Variants in NALF1 observed in about 807,000 individuals in gnomAD.
The protein encoded by NALF1 is family with sequence similarity 155 member A.
Under a neutral mutation model 48.4 loss-of-function variants are expected in NALF1, and 3 were observed. The observed-to-expected ratio is 0.06, with a 90% confidence interval of 0.03 to 0.16. The LOEUF is 0.16. Among genes scored for constraint, NALF1 ranks in the 10% least tolerant of loss-of-function variants. NALF1 has a pLI of 1.00. For missense variants in NALF1, 526 were observed against 571.5 expected (o/e 0.92, Z 0.81); for synonymous variants, 262 against 245.7 (o/e 1.07, Z -0.62).
chr13:107,530,495 A>C (rs995507350), intron 1 of NALF1, among the ~76,000 whole-genome samples: 1 of 152,080 alleles, frequency 6.6e-6, no homozygotes, highest in Non-Finnish European at 1.5e-5. Context: ...ATTCCTCTAA[A>C]TTTAATATTT....
intron 1 of NALF1, among the ~76,000 whole-genome samples, chr13:107,349,016 T>C (rs137995508): frequency 3.2e-4 from 48 of 152,278 alleles, no homozygotes; most frequent in African/African-American, 1.1e-3. Context: ...CTGAGTGTTA[T>C]AAATGACACA....
intron 1 of NALF1, among the ~76,000 whole-genome samples, chr13:107,360,673 T>C (rs1260836208): frequency 6.6e-6 from 1 of 152,182 alleles, no homozygotes; most frequent in East Asian, 1.9e-4. Flanking sequence ...GTAAATCATA[T>C]TTTAAGCATA....
chr13:107,756,435 C>T (rs1319079771), intron 1 of NALF1, among the ~76,000 whole-genome samples: 1 of 141,056 alleles, frequency 7.1e-6, no homozygotes, highest in Non-Finnish European at 1.5e-5. Flanking sequence ...AGTTTAATGG[C>T]TATATATATA....
intron 1 of NALF1, among the ~76,000 whole-genome samples, chr13:107,463,411 G>A (rs1214455648): frequency 1.3e-5 from 2 of 152,210 alleles, no homozygotes; most frequent in Non-Finnish European, 2.9e-5. Context: ...ATATCTGGGA[G>A]AGGGTACAGA....
intron 1 of NALF1, among the ~76,000 whole-genome samples, chr13:107,230,313 G>C (rs1192901688): frequency 6.6e-6 from 1 of 151,994 alleles, no homozygotes; most frequent in South Asian, 2.1e-4. Flanking sequence ...CTCATAAAAG[G>C]TAGGGCACCT....
chr13:107,364,918 T>C (rs1594138383), intron 1 of NALF1, among the ~76,000 whole-genome samples: 2 of 110,126 alleles, frequency 1.8e-5, no homozygotes, highest in Non-Finnish European at 3.7e-5. Flanking sequence ...CCTCTCCCTC[T>C]CCCCTGCCCC....
chr13:107,746,606 A>T (rs1030608721), intron 1 of NALF1, among the ~76,000 whole-genome samples: 1 of 152,214 alleles, frequency 6.6e-6, no homozygotes, highest in Non-Finnish European at 1.5e-5. Context: ...ATCAAGAAAC[A>T]TCTGTATTCT....
intron 1 of NALF1, among the ~76,000 whole-genome samples, chr13:107,826,568 A>G (rs966737722): frequency 9.2e-5 from 14 of 152,230 alleles, no homozygotes; most frequent in African/African-American, 3.4e-4. Context: ...TTTTAGAAAA[A>G]GAGGATGCAG....
At chr13:107,565,177 A>G (rs1283955582) in intron 1 of NALF1, among the ~76,000 whole-genome samples, 1 of 151,466 alleles carries the variant, frequency 6.6e-6, no homozygotes, top group Non-Finnish European at 1.5e-5. Flanking sequence ...GGAATTCAAA[A>G]GTTCCTGAGA....
chr13:107,468,762 T>C (rs1885048900), intron 1 of NALF1, among the ~76,000 whole-genome samples: 1 of 152,168 alleles, frequency 6.6e-6, no homozygotes, highest in South Asian at 2.1e-4. Flanking sequence ...ATGGGTGATT[T>C]TAACATTGGG....
chr13:107,593,260 T>C (rs1008856231), intron 1 of NALF1, among the ~76,000 whole-genome samples: 4 of 151,950 alleles, frequency 2.6e-5, no homozygotes, highest in African/African-American at 9.7e-5. Context: ...ATTTTATGCA[T>C]ATAAGTCAAC....
At chr13:107,312,243 TA>T (rs1332191014) in intron 1 of NALF1, among the ~76,000 whole-genome samples, 1 of 152,138 alleles carries the variant, frequency 6.6e-6, no homozygotes, top group African/African-American at 2.4e-5. Flanking sequence ...TATGCAGCCA[TA>T]AAAAATGATG....
intron 1 of NALF1, among the ~76,000 whole-genome samples, chr13:107,510,709 A>G (rs147655325): frequency 0.013 from 1,991 of 152,296 alleles, 24 homozygotes; most frequent in Middle Eastern, 0.037. Context: ...TCAATTTCAC[A>G]GAACAGCAAC....
chr13:107,351,766 CT>C (rs1433221078), intron 1 of NALF1, among the ~76,000 whole-genome samples: 1 of 152,132 alleles, frequency 6.6e-6, no homozygotes, highest in Non-Finnish European at 1.5e-5. Context: ...TCTCTAGTGT[CT>C]TTTTTTAGGT....
rs1222882616 is a variant in NALF1 at position 107,169,172 on chromosome 13, A to C, written c.*1325T>G. ...TTTCCTCAACTACCTAGAGCATGTT[A>C]GAGTGATAAAGTTTTTGCACGTTAA... On this transcript the variant is annotated 3_prime_UTR_variant, in exon 3 of 3. Transcript: ENST00000375915. 1.3e-5 allele frequency: 2 copies of C among 152,696 alleles called. No homozygotes were observed. Among genetic ancestry groups the C allele is most frequent in the Middle Eastern group, 3.4e-3 (1 of 294 alleles). 9.5% of individuals were successfully genotyped at this position (152,696 alleles called of 1,614,324 possible).
At chr13:107,544,118 T>A (rs943036546) in intron 1 of NALF1, among the ~76,000 whole-genome samples, 1 of 152,128 alleles carries the variant, frequency 6.6e-6, no homozygotes, top group African/African-American at 2.4e-5. Context: ...ATAATTGAAA[T>A]GTACAAACAT....
intron 1 of NALF1, among the ~76,000 whole-genome samples, chr13:107,823,675 C>T (rs538772034): frequency 9.2e-5 from 14 of 152,278 alleles, no homozygotes; most frequent in Admixed American, 1.3e-4. Flanking sequence ...AAGAGGCCTT[C>T]TGTGACCTTC....
chr13:107,447,736 T>C (rs114674370), intron 1 of NALF1, among the ~76,000 whole-genome samples: 4,657 of 152,230 alleles, frequency 0.031, 255 homozygotes, highest in African/African-American at 0.11. Flanking sequence ...TGGCAGCAGC[T>C]GCAGTCAATT....
chr13:107,592,634 C>A (rs1878630319), intron 1 of NALF1, among the ~76,000 whole-genome samples: 1 of 151,800 alleles, frequency 6.6e-6, no homozygotes, highest in South Asian at 2.1e-4. Flanking sequence ...TTCAGCTTAA[C>A]CTAGGCTCAT....
Sources: gnomAD v4.1 joint callset for allele counts (sites outside exome capture counted in the v4.1 genomes callset) on GRCh38, gnomAD v4.1.1 for gene constraint, MANE v1.5 for transcripts, NCBI Gene and HGNC (gene_info 2026-07-23, HGNC 2026-07-21) for gene names.